Variants in DCP1B observed in about 807,000 individuals in gnomAD.
DCP1B encodes the protein mRNA-decapping enzyme 1B.
DCP1B carries 47 observed loss-of-function variants against 60.5 expected under a neutral mutation model. That is an observed-to-expected ratio of 0.78 (90% CI 0.61 to 0.99). The LOEUF is 0.99. DCP1B is among the 50% of genes least tolerant of loss of function. The probability of loss-of-function intolerance (pLI) is 0.00; values close to 1 mark genes in which losing one functional copy is unlikely to be tolerated. For missense variants in DCP1B, 725 were observed against 756.8 expected (o/e 0.96, Z 0.49); for synonymous variants, 267 against 280.3 (o/e 0.95, Z 0.47).
At position 1,952,707 on chromosome 12, in the gene DCP1B, G is replaced by T. The variant is rs758703576; in HGVS notation, c.1233C>A (p.Ser411=). ...AQPPQAYFNG[S]LPPQTVGHQA... ...GATGTCCTACTGTCTGAGGTGGAAGGGAGCCATTGAAATAGGCCTGTGGTG... is the reference window on the plus strand; with the variant it reads ...GATGTCCTACTGTCTGAGGTGGAAGTGAGCCATTGAAATAGGCCTGTGGTG... Residue 411 remains serine, a synonymous_variant, in exon 7 of 9, where the codon TCC becomes TCA. Coordinates refer to ENST00000280665, the MANE Select transcript of DCP1B (RefSeq NM_152640.5). The T allele has an allele frequency of 6.2e-7, 1 of 1,614,146 alleles. No homozygotes were observed. The highest frequency in any genetic ancestry group is 1.1e-5 in the South Asian group (1 of 91,078).
intron 3 of DCP1B, chr12:1,991,272 A>G: frequency 2.2e-6 from 1 of 455,758 alleles, no homozygotes; most frequent in Non-Finnish European, 4.4e-6. Context: ...GAAAATGTCT[A>G]CTCCACAAAA....
intron 3 of DCP1B, among the ~76,000 whole-genome samples, chr12:1,988,010 CCTTTGA>C (rs1032020123): frequency 1.2e-4 from 18 of 152,274 alleles, no homozygotes; most frequent in African/African-American, 3.9e-4. Flanking sequence ...AGCAATTCAC[CCTTTGA>C]CTTTAATTTA....
At chr12:1,952,300 AGTAGCTG>A in intron 7 of DCP1B, 109 bp downstream of exon 7, 1 of 1,274,182 alleles carries the variant, frequency 7.8e-7, no homozygotes, top group African/African-American at 1.5e-5. Context: ...CAGCCTCCTC[AGTAGCTG>A]GTGCTATAGG....
intron 5 of DCP1B, among the ~76,000 whole-genome samples, chr12:1,956,676 G>A (rs984400940): frequency 6.6e-6 from 1 of 152,200 alleles, no homozygotes; most frequent in Non-Finnish European, 1.5e-5. Context: ...CTTCTTAGGT[G>A]AATGAGGGTA....
intron 5 of DCP1B, among the ~76,000 whole-genome samples, chr12:1,964,163 G>A (rs964596189): frequency 1.3e-5 from 2 of 151,962 alleles, no homozygotes; most frequent in East Asian, 1.9e-4. Context: ...TTCAAGCAGC[G>A]GGCTTTGAAG....
intron 3 of DCP1B, among the ~76,000 whole-genome samples, chr12:1,976,684 C>A (rs1159618083): frequency 6.6e-6 from 1 of 152,114 alleles, no homozygotes; most frequent in Non-Finnish European, 1.5e-5. Context: ...ATATTAGTTT[C>A]TTGACCCTAG....
intron 7 of DCP1B, chr12:1,950,139 A>G (rs981341018): frequency 3.7e-5 from 21 of 573,316 alleles, no homozygotes; most frequent in African/African-American, 3.0e-4. Context: ...CCTAAGAGGG[A>G]GGCAAGGAGG....
At chr12:1,947,204 A>C (rs2030464350) in intron 8 of DCP1B, among the ~76,000 whole-genome samples, 2 of 152,170 alleles carry the variant, frequency 1.3e-5, no homozygotes, top group Admixed American at 1.3e-4. Flanking sequence ...TCACGGTCTA[A>C]TCAGTGGTTT....
chr12:1,949,377 G>T (rs2030572139), intron 7 of DCP1B, 43 bp from the exon 8 acceptor site: 1 of 1,600,064 alleles, frequency 6.2e-7, no homozygotes, highest in Admixed American at 1.7e-5. Context: ...TTCAGGAGCA[G>T]CTCACGGCAT....
chr12:1,981,629 T>C (rs1156757826), intron 3 of DCP1B, among the ~76,000 whole-genome samples: 1 of 152,234 alleles, frequency 6.6e-6, no homozygotes, highest in East Asian at 1.9e-4. Flanking sequence ...GGAAGGGATA[T>C]AGCTTATTCG....
chr12:1,998,954 G>A (rs960249692), intron 1 of DCP1B, among the ~76,000 whole-genome samples: 7 of 152,128 alleles, frequency 4.6e-5, no homozygotes, highest in East Asian at 1.9e-4. Flanking sequence ...TAAAAAAAGC[G>A]TAATGTCAAA....
chr12:1,966,236 T>C (rs2031290824), intron 4 of DCP1B: 1 of 152,180 alleles, frequency 6.6e-6, no homozygotes, highest in South Asian at 2.1e-4. Flanking sequence ...GCAAGGTTGA[T>C]TCTGGCAACT....
At chr12:1,960,375 G>A (rs551826007) in intron 5 of DCP1B, among the ~76,000 whole-genome samples, 34 of 152,306 alleles carry the variant, frequency 2.2e-4, no homozygotes, top group African/African-American at 6.5e-4. Context: ...GGTAGTTGCC[G>A]GAGGCTGGGG....
chr12:1,944,309 C>T (rs2030353439), downstream of DCP1B, among the ~76,000 whole-genome samples: 1 of 152,196 alleles, frequency 6.6e-6, no homozygotes, highest in African/African-American at 2.4e-5. Flanking sequence ...GAAAAACATT[C>T]CATGCTCATG....
At chr12:1,984,815 T>G (rs2037212859) in intron 3 of DCP1B, among the ~76,000 whole-genome samples, 1 of 151,514 alleles carries the variant, frequency 6.6e-6, no homozygotes, top group Non-Finnish European at 1.5e-5. Context: ...TCTTTTTATG[T>G]TTCCTTTATC....
At position 1,980,202 on chromosome 12, in the gene DCP1B, T is replaced by C. The variant is rs931769631; in HGVS notation, c.320-12292A>G. 8.5e-5 allele frequency among the ~76,000 whole-genome samples: 13 copies of C among 152,252 alleles called. No individual in the cohort carries two copies. In the South Asian group the frequency reaches 2.5e-3, roughly 29 times the overall value. ...CAACTTTATTCAGAATAGCTCAAAT[T>C]TGGAAATAATTCAAGTATCTATCGA... On this transcript the variant is annotated intron_variant, in intron 3 of 8. Transcript: ENST00000280665.
At chr12:1,999,680 T>C (rs1464413880) in intron 1 of DCP1B, among the ~76,000 whole-genome samples, 1 of 152,088 alleles carries the variant, frequency 6.6e-6, no homozygotes, top group African/African-American at 2.4e-5. Flanking sequence ...GAGCTATGAT[T>C]GTACCTCTGC....
intron 1 of DCP1B, among the ~76,000 whole-genome samples, chr12:1,999,083 A>G (rs1165107047): frequency 6.6e-6 from 1 of 152,254 alleles, no homozygotes; most frequent in Admixed American, 6.5e-5. Context: ...GATCAGCGGC[A>G]TCAGCGTCAC....
chr12:1,943,905 C>T (rs2030340645), downstream of DCP1B, among the ~76,000 whole-genome samples: 3 of 152,188 alleles, frequency 2.0e-5, no homozygotes, highest in African/African-American at 7.2e-5. Context: ...TCTCTCAATA[C>T]TCCTATTCAA....
Sources: gnomAD v4.1 joint callset for allele counts (sites outside exome capture counted in the v4.1 genomes callset) on GRCh38, gnomAD v4.1.1 for gene constraint, MANE v1.5 for transcripts, NCBI Gene and HGNC (gene_info 2026-07-23, HGNC 2026-07-21) for gene names.